SLC35F4: variants seen among roughly 807,000 people sequenced by gnomAD.
The protein encoded by SLC35F4 is chromosome 14 open reading frame 36.
SLC35F4 carries 24 observed loss-of-function variants against 44.2 expected under a neutral mutation model. The observed-to-expected ratio is 0.54, with a 90% CI of 0.39 to 0.76. SLC35F4 has a LOEUF of 0.76. Ranked by LOEUF, SLC35F4 falls within the 30% of genes least tolerant of loss-of-function variation. The pLI, the probability that SLC35F4 is intolerant of heterozygous loss-of-function variation, is 0.00. For synonymous variants in SLC35F4, 238 were observed against 223.6 expected (o/e 1.06, Z -0.57); for missense variants, 562 against 586.1 (o/e 0.96, Z 0.42).
chr14:57,577,807 T>C (rs544911013), intron 4 of SLC35F4, among the ~76,000 whole-genome samples: 1 of 152,306 alleles, frequency 6.6e-6, no homozygotes, highest in East Asian at 1.9e-4. Context: ...CTAACATTTT[T>C]GCAATCAAAA....
chr14:57,838,519 T>C (rs1885169921), intron 1 of SLC35F4, among the ~76,000 whole-genome samples: 1 of 152,204 alleles, frequency 6.6e-6, no homozygotes, highest in Non-Finnish European at 1.5e-5. Flanking sequence ...TGAGCTTTGC[T>C]ACATGAAATA....
chr14:57,737,184 C>T (rs1449412903), intron 1 of SLC35F4, among the ~76,000 whole-genome samples: 1 of 151,546 alleles, frequency 6.6e-6, no homozygotes, highest in Admixed American at 6.6e-5. Context: ...AGGCAAGGTA[C>T]GCCTAAAGTA....
chr14:57,707,442 C>A (rs920883936), intron 1 of SLC35F4, among the ~76,000 whole-genome samples: 1 of 152,176 alleles, frequency 6.6e-6, no homozygotes, highest in Non-Finnish European at 1.5e-5. Flanking sequence ...CCTGCTTGCA[C>A]TTCTCCCTGC....
chr14:57,596,882 A>G, intron 1 of SLC35F4: 1 of 1,367,478 alleles, frequency 7.3e-7, no homozygotes, highest in Non-Finnish European at 9.8e-7. Context: ...AAGAGATCCA[A>G]GAGTAGTTCA....
At chr14:57,875,173 T>C (rs960076855) in intron 1 of SLC35F4, among the ~76,000 whole-genome samples, 1 of 152,212 alleles carries the variant, frequency 6.6e-6, no homozygotes, top group African/African-American at 2.4e-5. Context: ...ATGTGTAATC[T>C]CCTACTGAAA....
intron 3 of SLC35F4, among the ~76,000 whole-genome samples, chr14:57,586,392 C>T (rs1039358979): frequency 6.6e-6 from 1 of 152,016 alleles, no homozygotes; most frequent in South Asian, 2.1e-4. Context: ...AAAACCTAGG[C>T]AATACCATTC....
intron 2 of SLC35F4, among the ~76,000 whole-genome samples, chr14:57,590,023 C>G (rs1168154018): frequency 1.3e-5 from 2 of 151,810 alleles, no homozygotes; most frequent in Admixed American, 6.6e-5. Flanking sequence ...CAAAGCTGCT[C>G]TGTATGCACC....
intron 1 of SLC35F4, among the ~76,000 whole-genome samples, chr14:57,773,102 A>G (rs1291808126): frequency 6.6e-6 from 1 of 151,972 alleles, no homozygotes; most frequent in African/African-American, 2.4e-5. Flanking sequence ...GATGTTGAGC[A>G]TTTTTTCATG....
intron 1 of SLC35F4, among the ~76,000 whole-genome samples, chr14:57,758,001 A>ATATGTGTGTG (rs1555384207): frequency 4.1e-4 from 53 of 129,022 alleles, no homozygotes; most frequent in Middle Eastern, 8.1e-3. Flanking sequence ...TTATAGGTTC[A>ATATGTGTGTG]TGTGTGTGTG....
chr14:57,793,785 C>A (rs2077986184), intron 1 of SLC35F4, among the ~76,000 whole-genome samples: 1 of 152,056 alleles, frequency 6.6e-6, no homozygotes, highest in Non-Finnish European at 1.5e-5. Context: ...ACTTTTGGTT[C>A]TTTGAGAAAT....
At chr14:57,882,833 T>G (rs908711000) in intron 1 of SLC35F4, among the ~76,000 whole-genome samples, 1 of 152,176 alleles carries the variant, frequency 6.6e-6, no homozygotes. Context: ...TCCATGACCT[T>G]TCCCATGTAA....
chr14:57,634,368 A>G (rs559740019), intron 1 of SLC35F4, among the ~76,000 whole-genome samples: 1 of 152,234 alleles, frequency 6.6e-6, no homozygotes, highest in East Asian at 1.9e-4. Flanking sequence ...CACTGTACCA[A>G]ATTTGGATGT....
At chr14:57,820,558 A>C (rs1862148799) in intron 1 of SLC35F4, among the ~76,000 whole-genome samples, 1 of 152,258 alleles carries the variant, frequency 6.6e-6, no homozygotes, top group African/African-American at 2.4e-5. Context: ...TTTTCTTCTT[A>C]ACTTCAATGA....
chr14:57,808,692 G>A (rs528510092), intron 1 of SLC35F4, among the ~76,000 whole-genome samples: 7 of 149,398 alleles, frequency 4.7e-5, no homozygotes, highest in African/African-American at 1.8e-4. Flanking sequence ...TGCGGTGCCA[G>A]CTAGTCAAGA....
chr14:57,777,775 A>G (rs565750389), intron 1 of SLC35F4, among the ~76,000 whole-genome samples: 69 of 151,594 alleles, frequency 4.6e-4, no homozygotes, highest in Non-Finnish European at 2.2e-4. Context: ...AACTTAAAGC[A>G]TAATAATAAT....
intron 4 of SLC35F4, among the ~76,000 whole-genome samples, chr14:57,578,323 C>CTTTTTTTTT (rs2068952267): frequency 6.0e-5 from 2 of 33,168 alleles, no homozygotes; most frequent in Non-Finnish European, 1.3e-4. Flanking sequence ...ATCCCTTTAA[C>CTTTTTTTTT]TGTTTTTTTT....
At chr14:57,846,560 TGA>T (rs1476469521) in intron 1 of SLC35F4, among the ~76,000 whole-genome samples, 1 of 152,198 alleles carries the variant, frequency 6.6e-6, no homozygotes, top group African/African-American at 2.4e-5. Context: ...TTTTTGTTCC[TGA>T]GAGTCTTTAG....
intron 1 of SLC35F4, among the ~76,000 whole-genome samples, chr14:57,786,276 G>C (rs759634513): frequency 1.3e-5 from 2 of 152,116 alleles, no homozygotes; most frequent in African/African-American, 4.8e-5. Context: ...CGCCCAATGA[G>C]TGTCTGAGCT....
chr14:57,966,498 A>G (rs17094033), intron 1 of SLC35F4, among the ~76,000 whole-genome samples: 6,849 of 150,628 alleles, frequency 0.045, 369 homozygotes, highest in East Asian at 0.25. Flanking sequence ...GTGTTGATTT[A>G]TGCAGTTTGA....
Sources: allele counts gnomAD v4.1 joint callset (sites outside exome capture counted in the v4.1 genomes callset), GRCh38; gene constraint gnomAD v4.1.1; transcripts MANE v1.5; gene names NCBI Gene and HGNC (gene_info 2026-07-23, HGNC 2026-07-21).